Variants in DPY19L1 observed in about 807,000 individuals in gnomAD.
DPY19L1 encodes protein C-mannosyl-transferase DPY19L1.
In DPY19L1, 35 loss-of-function variants were observed where a neutral mutation model predicts 96.9. The observed-to-expected ratio is 0.36, with a 90% CI of 0.28 to 0.48. The LOEUF (loss-of-function observed/expected upper bound fraction) is 0.48, where lower values mean the gene tolerates loss of function less well. DPY19L1 is among the 20% of genes least tolerant of loss of function. The pLI is 0.99. For synonymous variants in DPY19L1, 205 were observed against 252.6 expected, an observed-to-expected ratio of 0.81 and a Z score of 1.79; for missense variants, 521 against 777.9, an observed-to-expected ratio of 0.67 and a Z score of 3.93.
chr7:35,037,962 C>G (rs1786490593), upstream of DPY19L1: 4 of 1,177,146 alleles, frequency 3.4e-6, no homozygotes, highest in Non-Finnish European at 4.3e-6. Context: ...AGTTTCGGAG[C>G]CTGTTAAGGC....
At chr7:35,035,736 C>A (rs1323959070) in intron 1 of DPY19L1, among the ~76,000 whole-genome samples, 1 of 152,052 alleles carries the variant, frequency 6.6e-6, no homozygotes, top group Non-Finnish European at 1.5e-5. Flanking sequence ...ATGTGATAAC[C>A]CCCCACTAGC....
At chr7:34,971,507 C>CT (rs1421251724) in intron 8 of DPY19L1, among the ~76,000 whole-genome samples, 1 of 152,140 alleles carries the variant, frequency 6.6e-6, no homozygotes, top group Non-Finnish European at 1.5e-5. Context: ...TGGGATGGAT[C>CT]TGAACCAGGA....
chr7:34,957,534 G>C (rs1784404750), intron 11 of DPY19L1, among the ~76,000 whole-genome samples: 1 of 152,118 alleles, frequency 6.6e-6, no homozygotes, highest in South Asian at 2.1e-4. Flanking sequence ...AAATAAAACT[G>C]AATCATCACC....
chr7:34,940,727 A>C (rs1207100718), intron 18 of DPY19L1: 1 of 169,750 alleles, frequency 5.9e-6, no homozygotes, highest in Non-Finnish European at 1.4e-5. Context: ...GGAACCCCAC[A>C]CTTGGAAAAC....
intron 9 of DPY19L1, among the ~76,000 whole-genome samples, chr7:34,967,950 T>C (rs1584225640): frequency 6.6e-6 from 1 of 152,138 alleles, no homozygotes; most frequent in Admixed American, 6.5e-5. Context: ...TTATTCAACA[T>C]AAGCCCCACA....
At position 34,959,979 on chromosome 7, in the gene DPY19L1, T is replaced by C. The variant is rs1006828624; in HGVS notation, c.1093-1909A>G. Among the ~76,000 whole-genome samples the C allele has an allele frequency of 3.4e-5, 5 of 146,162 alleles. No individual in the cohort carries two copies. In the South Asian group the frequency reaches 8.6e-4, roughly 25 times the overall value. ...CCTAGCCCCTTATCAAGTAAACATATTGTAAATATTTTTCTCAGTTCATTT... is the reference window on the plus strand; with the variant it reads ...CCTAGCCCCTTATCAAGTAAACATACTGTAAATATTTTTCTCAGTTCATTT... On this transcript the variant is annotated intron_variant, in intron 10 of 21. Coordinates refer to ENST00000638088, the MANE Select transcript of DPY19L1 (RefSeq NM_001366673.1).
intron 6 of DPY19L1, among the ~76,000 whole-genome samples, chr7:35,009,603 T>G (rs1349548668): frequency 2.0e-5 from 3 of 152,206 alleles, no homozygotes; most frequent in African/African-American, 4.8e-5. Flanking sequence ...TGATAATGAG[T>G]GGTCTTTTCC....
intron 6 of DPY19L1, among the ~76,000 whole-genome samples, chr7:35,002,738 C>G (rs1785458216): frequency 6.6e-6 from 1 of 152,182 alleles, no homozygotes; most frequent in African/African-American, 2.4e-5. Context: ...TTAGGAACAT[C>G]TGAATAGCAT....
intron 10 of DPY19L1, among the ~76,000 whole-genome samples, chr7:34,964,698 G>A (rs1784574217): frequency 6.6e-6 from 1 of 152,166 alleles, no homozygotes; most frequent in African/African-American, 2.4e-5. Flanking sequence ...TTTTAAAAGT[G>A]CTCAAAGCAT....
At chr7:34,950,233 G>A (rs1282590465) in intron 13 of DPY19L1, among the ~76,000 whole-genome samples, 1 of 152,148 alleles carries the variant, frequency 6.6e-6, no homozygotes, top group Non-Finnish European at 1.5e-5. Flanking sequence ...TCTGGGCTTG[G>A]GAACACACAC....
intron 7 of DPY19L1, among the ~76,000 whole-genome samples, chr7:34,976,642 A>G (rs1399059453): frequency 6.6e-6 from 1 of 152,226 alleles, no homozygotes; most frequent in African/African-American, 2.4e-5. Context: ...GAATCAATCA[A>G]TACAGCAAAT....
intron 13 of DPY19L1, among the ~76,000 whole-genome samples, chr7:34,952,586 A>G (rs1172127606): frequency 2.0e-5 from 3 of 152,208 alleles, no homozygotes; most frequent in African/African-American, 7.2e-5. Context: ...CATTACAAGA[A>G]AACTACAACA....
rs1584226776 is a variant in DPY19L1 at position 34,969,521 on chromosome 7, A to C, written c.926T>G (p.Leu309Arg). 1.3e-6 allele frequency: 2 copies of C among 1,555,718 alleles called. No individual in the cohort carries two copies. The highest frequency in any genetic ancestry group is 1.7e-6 in the Non-Finnish European group (2 of 1,154,428). The change falls in exon 9 of 22, where the codon CTT becomes CGT. Residue 309 changes from leucine to arginine, a missense_variant. Coordinates refer to ENST00000638088, the MANE Select transcript of DPY19L1 (RefSeq NM_001366673.1). ...LVTHILRATK[L>R]YRGSLIALCI... ...GAGTGCAATCAAGCTTCCTCTATAA[A>C]GTTTTGTAGCCCTTGAAAAGATAAA...
intron 6 of DPY19L1, among the ~76,000 whole-genome samples, chr7:34,992,895 A>C (rs1176833060): frequency 3.3e-5 from 5 of 152,204 alleles, no homozygotes; most frequent in Non-Finnish European, 7.3e-5. Context: ...ACCTGTATGA[A>C]TAATGTTGTA....
intron 17 of DPY19L1, 34 bp from the exon 18 acceptor site, chr7:34,941,918 C>T (rs1405958750): frequency 3.9e-6 from 6 of 1,555,350 alleles, no homozygotes; most frequent in African/African-American, 1.4e-5. Flanking sequence ...TTTACTCCTA[C>T]TGTTTGTGAA....
chr7:34,987,649 T>C (rs1036480784), intron 7 of DPY19L1, among the ~76,000 whole-genome samples: 2 of 152,058 alleles, frequency 1.3e-5, no homozygotes, highest in Non-Finnish European at 2.9e-5. Flanking sequence ...AGGTACCGGT[T>C]AGTAACCCAG....
chr7:34,997,565 G>A (rs935164063), intron 6 of DPY19L1, among the ~76,000 whole-genome samples: 2 of 137,924 alleles, frequency 1.5e-5, no homozygotes, highest in Non-Finnish European at 3.0e-5. Flanking sequence ...AGCTGAGATC[G>A]CGCCACTGCA....
chr7:34,947,762 C>A, intron 14 of DPY19L1, 61 bp from the exon 15 acceptor site: 1 of 1,335,466 alleles, frequency 7.5e-7, no homozygotes, highest in East Asian at 2.4e-5. Context: ...AATTTCATTT[C>A]AAATAATGAA....
chr7:34,935,156 G>A (rs1454056804), intron 21 of DPY19L1, among the ~76,000 whole-genome samples: 5 of 152,062 alleles, frequency 3.3e-5, no homozygotes, highest in Non-Finnish European at 7.4e-5. Context: ...CAACACTGAG[G>A]GCCCACGGTG....
Sources: allele counts gnomAD v4.1 joint callset (sites outside exome capture counted in the v4.1 genomes callset), GRCh38; gene constraint gnomAD v4.1.1; transcripts MANE v1.5; gene names NCBI Gene and HGNC (gene_info 2026-07-23, HGNC 2026-07-21).